CCDC180: variants seen among roughly 807,000 people sequenced by gnomAD.
CCDC180 encodes the protein coiled-coil domain-containing protein 180.
In CCDC180, 154 loss-of-function variants were observed where a neutral mutation model predicts 209.2. That is an observed-to-expected ratio of 0.74 (90% confidence interval 0.65 to 0.84). The LOEUF (loss-of-function observed/expected upper bound fraction) is 0.84, where lower values mean the gene tolerates loss of function less well. Ranked by LOEUF, CCDC180 falls within the 40% of genes least tolerant of loss-of-function variation. CCDC180 has a pLI of 0.00. For missense variants in CCDC180, 1,874 were observed against 1,997.3 expected (o/e 0.94, Z 1.18); for synonymous variants, 778 against 749.1 (o/e 1.04, Z -0.63).
intron 22 of CCDC180, among the ~76,000 whole-genome samples, chr9:97,351,641 A>G (rs1826423320): frequency 6.6e-6 from 1 of 151,970 alleles, no homozygotes; most frequent in Non-Finnish European, 1.5e-5. Context: ...CTCCAAAAAT[A>G]TATTTTCTAT....
At chr9:97,336,561 T>C (rs1255329716) in intron 18 of CCDC180, among the ~76,000 whole-genome samples, 2 of 152,224 alleles carry the variant, frequency 1.3e-5, no homozygotes, top group African/African-American at 4.8e-5. Context: ...TTTTGATTAC[T>C]GTAGCCTTGT....
At chr9:97,357,265 A>ACAATCTGACTGC (rs1826609524) in intron 24 of CCDC180, among the ~76,000 whole-genome samples, 1 of 151,564 alleles carries the variant, frequency 6.6e-6, no homozygotes, top group Non-Finnish European at 1.5e-5. Flanking sequence ...ACTTGCCAGG[A>ACAATCTGACTGC]CAATCTGACT....
At chr9:97,361,978 C>G in intron 27 of CCDC180, 80 bp downstream of exon 27, 1 of 1,515,962 alleles carries the variant, frequency 6.6e-7, no homozygotes, top group Non-Finnish European at 8.9e-7. Flanking sequence ...CTTTGGGGCC[C>G]CACACACTGG....
chr9:97,347,746 G>A (rs1449538798), intron 20 of CCDC180: 14 of 439,964 alleles, frequency 3.2e-5, no homozygotes, highest in Non-Finnish European at 1.2e-5. Context: ...TGAAAACAAA[G>A]AGTGTTGTAC....
chr9:97,354,860 C>A (rs1231823109), intron 23 of CCDC180, 32 bp from the exon 24 acceptor site: 1 of 1,574,030 alleles, frequency 6.4e-7, no homozygotes, highest in East Asian at 2.2e-5. Context: ...CAAATTAAGC[C>A]CCTGTCCTTT....
chr9:97,336,377 A>G (rs1159915461), intron 18 of CCDC180, among the ~76,000 whole-genome samples: 2 of 152,320 alleles, frequency 1.3e-5, no homozygotes, highest in East Asian at 3.9e-4. Flanking sequence ...AGCTTTCTAC[A>G]TATGGCTAGC....
intron 2 of CCDC180, 96 bp downstream of exon 2, chr9:97,308,228 A>G: frequency 2.6e-6 from 3 of 1,148,024 alleles, no homozygotes; most frequent in Non-Finnish European, 3.5e-6. Flanking sequence ...TGGAAATTGA[A>G]TAAAACAAGG....
chr9:97,313,789 A>T (rs1833067610), intron 5 of CCDC180, among the ~76,000 whole-genome samples: 1 of 151,966 alleles, frequency 6.6e-6, no homozygotes, highest in South Asian at 2.1e-4. Flanking sequence ...CTCTCCAGAG[A>T]CCTCATCTCC....
Position 97,325,600 on chromosome 9 carries a change from G to A in CCDC180, c.1545+408G>A, listed in dbSNP as rs1833506433. Among the ~76,000 whole-genome samples the A allele has an allele frequency of 2.0e-5, 3 of 152,222 alleles. No individual in the cohort carries two copies. In the South Asian group the frequency reaches 6.2e-4, roughly 32 times the overall value. On this transcript the variant is annotated intron_variant, in intron 14 of 36. Coordinates refer to ENST00000529487, the MANE Select transcript of CCDC180 (RefSeq NM_020893.6). ...GCTGCAAAGCTATTAAAGTCTAGTT[G>A]TTCAATAAGGATGGATGCAGGCTTC...
chr9:97,349,112 C>A lies in CCDC180; in HGVS notation c.2676C>A (p.Ala892=). The A allele has an allele frequency of 1.3e-6, 2 of 1,534,382 alleles. No individual in the cohort carries two copies. The highest frequency in any genetic ancestry group is 2.4e-5 in the South Asian group (2 of 83,838). ...IEKDIHNVRA[A]ELLLHQEQLD... is the part of the protein sequence containing the mutation. ...CCAGCTCTCTTAATCCTTTTTCAGC[C>A]GAGCTTTTGCTTCATCAAGAGCAGT... Residue 892 remains alanine (A), a splice_region_variant and synonymous_variant, in exon 21 of 37, where the codon GCC becomes GCA. Coordinates refer to ENST00000529487, the MANE Select transcript of CCDC180 (RefSeq NM_020893.6).
chr9:97,358,828 G>A (rs1246233957), intron 25 of CCDC180, among the ~76,000 whole-genome samples: 2 of 152,124 alleles, frequency 1.3e-5, no homozygotes, highest in African/African-American at 2.4e-5. Flanking sequence ...TCTCCTCACC[G>A]TTCTCTGTCT....
chr9:97,358,724 G>A (rs1480725297), intron 25 of CCDC180, among the ~76,000 whole-genome samples: 3 of 152,006 alleles, frequency 2.0e-5, no homozygotes, highest in Non-Finnish European at 4.4e-5. Context: ...CTGGCCTGTC[G>A]CCCAGGCCAC....
Position 97,364,836 on chromosome 9 carries a change from G to A in CCDC180, c.3980+708G>A, listed in dbSNP as rs1286030344. Among the ~76,000 whole-genome samples the A allele has an allele frequency of 2.6e-5, 4 of 152,320 alleles. No homozygotes were observed. The East Asian group carries it at 7.7e-4, about 29-fold the overall frequency. ...GATGTTTGGTCCTACATGAAGTCCT[G>A]TTCATTTGATTACTATTTAGGAGTA... On this transcript the variant is annotated intron_variant, in intron 29 of 36. Transcript: ENST00000529487.
chr9:97,375,930 G>A, intron 36 of CCDC180: 1 of 287,720 alleles, frequency 3.5e-6, no homozygotes, highest in Non-Finnish European at 6.6e-6. Flanking sequence ...TAGGCTCAGG[G>A]GGGACACAGC....
chr9:97,352,624 G>C (rs1469769273), intron 22 of CCDC180, among the ~76,000 whole-genome samples: 1 of 152,084 alleles, frequency 6.6e-6, no homozygotes, highest in African/African-American at 2.4e-5. Context: ...CCAAGAGTGG[G>C]CACCTTCCAT....
chr9:97,315,338 C>T (rs1011287862), intron 8 of CCDC180, among the ~76,000 whole-genome samples: 3 of 151,890 alleles, frequency 2.0e-5, no homozygotes, highest in Non-Finnish European at 4.4e-5. Context: ...GGGTGGTTTC[C>T]ACCTTCATGA....
Position 97,371,715 on chromosome 9 carries a change from C to T in CCDC180, c.4600+9C>T. 1 of 1,562,192 alleles carries T rather than the reference C, an allele frequency of 6.4e-7. No individual in the cohort carries two copies. Reference sequence around the variant, plus strand: ...CGATGTCCAGGTTGCAAGTAAGAGGCACCACCAGCCTTGTGTCATGGCCCT... The same window carrying T: ...CGATGTCCAGGTTGCAAGTAAGAGGTACCACCAGCCTTGTGTCATGGCCCT... On this transcript the variant is annotated intron_variant, in intron 34 of 36. Coordinates refer to ENST00000529487, the MANE Select transcript of CCDC180 (RefSeq NM_020893.6).
At chr9:97,337,225 C>G (rs1049847293) in intron 18 of CCDC180, among the ~76,000 whole-genome samples, 2 of 152,194 alleles carry the variant, frequency 1.3e-5, no homozygotes, top group African/African-American at 4.8e-5. Flanking sequence ...TGAGAGAGGG[C>G]ATCCCTGTCT....
rs759307066 is a variant in CCDC180 at position 97,325,160 on chromosome 9, C to G, written c.1513C>G (p.Gln505Glu). Reference protein sequence around the residue: ...QELELEKRMEQHRQKHSLESQ... With the variant: ...QELELEKRMEEHRQKHSLESQ... ...GCTGGAGCTGGAGAAGAGGATGGAG[C>G]AGCACCGGCAGAAGCACAGCCTGGA... Residue 505 changes from glutamine to glutamate, a missense_variant, in exon 14 of 37, where the codon CAG (glutamine) becomes GAG (glutamate). By Grantham distance (29) the Gln-to-Glu change is conservative. Transcript: ENST00000529487. 1 of 1,606,432 alleles carries G rather than the reference C, an allele frequency of 6.2e-7. No individual in the cohort carries two copies. Among genetic ancestry groups the G allele is most frequent in the South Asian group, 1.1e-5 (1 of 89,672 alleles).
Sources: gnomAD v4.1 joint callset for allele counts (sites outside exome capture counted in the v4.1 genomes callset) on GRCh38, gnomAD v4.1.1 for gene constraint, MANE v1.5 for transcripts, NCBI Gene and HGNC (gene_info 2026-07-23, HGNC 2026-07-21) for gene names.